The following A2ML1 variants were observed in gnomAD, a reference collection of about 807,000 sequenced individuals.
A2ML1 encodes alpha-2-macroglobulin-like protein 1.
In A2ML1, 161 loss-of-function variants were observed where a neutral mutation model predicts 181.9. The ratio of observed to expected loss-of-function variants is 0.89; its 90% CI spans 0.78 to 1.01. The LOEUF (loss-of-function observed/expected upper bound fraction) is 1.01, where lower values mean the gene tolerates loss of function less well. A2ML1 is among the 50% of genes least tolerant of loss of function. The pLI, the probability that A2ML1 is intolerant of heterozygous loss-of-function variation, is 0.00. For missense variants in A2ML1, 1,670 were observed against 1,768.1 expected (o/e 0.94, Z 1.00); for synonymous variants, 663 against 666.8 (o/e 0.99, Z 0.09).
intron 23 of A2ML1, among the ~76,000 whole-genome samples, chr12:8,856,049 G>A (rs1316251131): frequency 6.6e-6 from 1 of 152,222 alleles, no homozygotes; most frequent in Non-Finnish European, 1.5e-5. Context: ...TAATAGCCAT[G>A]TGACCCTGAA....
intron 33 of A2ML1, among the ~76,000 whole-genome samples, chr12:8,872,860 T>C (rs905624711): frequency 3.9e-5 from 6 of 152,218 alleles, no homozygotes; most frequent in African/African-American, 1.4e-4. Context: ...GACATTGTTT[T>C]GCATTTTTGC....
chr12:8,866,999 G>C (rs560189134), intron 29 of A2ML1, among the ~76,000 whole-genome samples: 4 of 152,076 alleles, frequency 2.6e-5, no homozygotes, highest in African/African-American at 7.2e-5. Flanking sequence ...TGCTCACTTA[G>C]TGACAGTTTA....
At chr12:8,833,859 A>G (rs73251237) in intron 4 of A2ML1, among the ~76,000 whole-genome samples, 4,254 of 152,176 alleles carry the variant, frequency 0.028, 207 homozygotes, top group African/African-American at 0.097. Context: ...AAGAATTGCC[A>G]TTATCCCTAC....
intron 14 of A2ML1, among the ~76,000 whole-genome samples, chr12:8,847,085 C>T (rs1319427847): frequency 6.7e-6 from 1 of 149,600 alleles, no homozygotes; most frequent in African/African-American, 2.5e-5. Context: ...CAAGTATGCA[C>T]CACCATGCCT....
chr12:8,838,157 A>G (rs1462701756), intron 8 of A2ML1, among the ~76,000 whole-genome samples, 179 bp from the exon 9 acceptor site: 1 of 152,332 alleles, frequency 6.6e-6, no homozygotes, highest in Non-Finnish European at 1.5e-5. Context: ...TGGAGCTTCA[A>G]AGTCATTTCA....
At position 8,861,909 on chromosome 12, in the gene A2ML1, G is replaced by A. The variant is rs911141866; in HGVS notation, c.3502+612G>A. Among the ~76,000 whole-genome samples, 6 of 152,016 alleles carry A rather than the reference G, an allele frequency of 3.9e-5. No individual in the cohort carries two copies. In the East Asian group the frequency reaches 1.2e-3, roughly 30 times the overall value. Reference sequence around the variant, plus strand: ...CGAGTAGATGGGATTACAGGTGTGTGCCATCATGCACAGCTAATTTTTGTA... The same window carrying A: ...CGAGTAGATGGGATTACAGGTGTGTACCATCATGCACAGCTAATTTTTGTA... On this transcript the variant is annotated intron_variant, in intron 28 of 35. Coordinates refer to ENST00000299698, the MANE Select transcript of A2ML1 (RefSeq NM_144670.6).
Position 8,823,750 on chromosome 12 carries a change from G to T in A2ML1, c.277G>T (p.Val93Leu), listed in dbSNP as rs775011475. 3.9e-5 allele frequency: 63 copies of T among 1,613,964 alleles called. No individual in the cohort carries two copies. In the Admixed American group the frequency reaches 6.5e-4, roughly 17 times the overall value. ...ACCTCCTGCTGGTGGCACAGAAGAA[G>T]TGGCCACAATCCGGGTGTCGGGAGT... ...VPPPAGGTEE[V>L]ATIRVSGVGN... Residue 93 changes from valine to leucine, a missense_variant, in exon 3 of 36, where the codon GTG becomes TTG. Coordinates refer to ENST00000299698, the MANE Select transcript of A2ML1 (RefSeq NM_144670.6).
intron 33 of A2ML1, among the ~76,000 whole-genome samples, chr12:8,871,011 T>G (rs999743426): frequency 1.3e-5 from 2 of 152,232 alleles, no homozygotes; most frequent in Admixed American, 6.5e-5. Context: ...TATTCACATA[T>G]ATAGTCTTCC....
At position 8,851,932 on chromosome 12, in the gene A2ML1, A is replaced by C. The variant is rs1943905885; in HGVS notation, c.2383A>C (p.Thr795Pro). Reference protein sequence around the residue: ...TAFKPFFVDLTLPYSVVRGES... With the variant: ...TAFKPFFVDLPLPYSVVRGES... ...TTTCAAGCCGTTCTTTGTTGACCTGACTCTCCCTTACTCAGTAGTCCGTGG... is the reference window on the plus strand; with the variant it reads ...TTTCAAGCCGTTCTTTGTTGACCTGCCTCTCCCTTACTCAGTAGTCCGTGG... The change falls in exon 19 of 36, where the codon ACT becomes CCT. Residue 795 changes from threonine (T) to proline (P), a missense_variant. Coordinates refer to ENST00000299698, the MANE Select transcript of A2ML1 (RefSeq NM_144670.6). The C allele has an allele frequency of 6.2e-7, 1 of 1,613,674 alleles. No individual in the cohort carries two copies. The highest frequency in any genetic ancestry group is 2.2e-5 in the East Asian group (1 of 44,858).
At chr12:8,831,204 G>A (rs1449203909) in intron 4 of A2ML1, among the ~76,000 whole-genome samples, 1 of 152,076 alleles carries the variant, frequency 6.6e-6, no homozygotes, top group Non-Finnish European at 1.5e-5. Flanking sequence ...CTCTCGCTTT[G>A]GTCTCCCAAA....
At chr12:8,882,596 A>G (rs1285741705) in intron 7 of A2ML1, among the ~76,000 whole-genome samples, 1 of 152,200 alleles carries the variant, frequency 6.6e-6, no homozygotes, top group Non-Finnish European at 1.5e-5. Context: ...TTTATTTTAC[A>G]TATTCTCTAT....
At chr12:8,851,107 T>C (rs891314024) in intron 18 of A2ML1, among the ~76,000 whole-genome samples, 2 of 152,186 alleles carry the variant, frequency 1.3e-5, no homozygotes, top group Non-Finnish European at 2.9e-5. Context: ...CACTCACACA[T>C]TGCAGGCCCT....
chr12:8,836,931 A>G (rs1174700645), intron 7 of A2ML1, among the ~76,000 whole-genome samples: 1 of 152,166 alleles, frequency 6.6e-6, no homozygotes, highest in Non-Finnish European at 1.5e-5. Flanking sequence ...CGTCCTTAGT[A>G]TGGTGCTAAT....
chr12:8,829,965 A>G (rs1421607451), intron 4 of A2ML1, among the ~76,000 whole-genome samples, 186 bp downstream of exon 4: 1 of 152,122 alleles, frequency 6.6e-6, no homozygotes, highest in Non-Finnish European at 1.5e-5. Context: ...CAGCCTAGGA[A>G]CAAGCAGAGG....
chr12:8,857,440 CCTTGA>C, intron 24 of A2ML1, 62 bp from the exon 25 acceptor site: 2 of 1,607,530 alleles, frequency 1.2e-6, no homozygotes, highest in African/African-American at 1.3e-5. Context: ...TGTCCCATAT[CCTTGA>C]ACGGCATGGG....
chr12:8,857,637 C>T (rs1368717310), intron 25 of A2ML1, 49 bp downstream of exon 25: 35 of 1,567,204 alleles, frequency 2.2e-5, no homozygotes, highest in Non-Finnish European at 2.9e-5. Flanking sequence ...AGCATAATTC[C>T]TGAGCCCTCT....
intron 1 of A2ML1, 27 bp from the exon 2 acceptor site, chr12:8,823,155 C>G (rs745989899): frequency 3.7e-6 from 6 of 1,605,208 alleles, no homozygotes; most frequent in Non-Finnish European, 5.1e-6. Flanking sequence ...TCATTATTGC[C>G]CTGAAATCCT....
chr12:8,826,663 C>T (rs1196568438), intron 3 of A2ML1, among the ~76,000 whole-genome samples: 4 of 152,092 alleles, frequency 2.6e-5, no homozygotes, highest in African/African-American at 7.2e-5. Context: ...CATTCTGCCG[C>T]GCAGGCTGGA....
intron 26 of A2ML1, among the ~76,000 whole-genome samples, chr12:8,860,341 C>A (rs1424662418): frequency 6.6e-6 from 1 of 152,148 alleles, no homozygotes; most frequent in Non-Finnish European, 1.5e-5. Flanking sequence ...CTGTGCGTGA[C>A]CACAAGCTAT....
Sources: allele counts gnomAD v4.1 joint callset (sites outside exome capture counted in the v4.1 genomes callset), GRCh38; gene constraint gnomAD v4.1.1; transcripts MANE v1.5; gene names NCBI Gene and HGNC (gene_info 2026-07-23, HGNC 2026-07-21).